Variants in FANCA observed in about 807,000 individuals in gnomAD.
FANCA encodes Fanconi anemia group A protein.
FANCA carries 236 observed loss-of-function variants against 194.3 expected under a neutral mutation model. The ratio of observed to expected loss-of-function variants is 1.21; its 90% CI spans 1.09 to 1.35. The LOEUF is 1.35. Ranked by LOEUF, FANCA falls within the 40% of genes most tolerant of loss-of-function variation. The pLI is 0.00. For missense variants in FANCA, 2,628 were observed against 1,813.9 expected (o/e 1.45, Z -8.15); for synonymous variants, 1,014 against 715.8 (o/e 1.42, Z -6.65).
intron 6 of FANCA, 70 bp from the exon 7 acceptor site, chr16:89,805,462 T>C (rs899449849): frequency 1.8e-5 from 23 of 1,282,774 alleles, no homozygotes; most frequent in Middle Eastern, 3.9e-4. Context: ...AGTTGAGCCA[T>C]ATGTCCCAAT....
chr16:89,742,912 G>A lies in FANCA; in HGVS notation c.3653C>T (p.Pro1218Leu), dbSNP rs771111655. The A allele has an allele frequency of 1.2e-6, 2 of 1,613,972 alleles. No individual in the cohort carries two copies. Among genetic ancestry groups the A allele is most frequent in the Middle Eastern group, 1.6e-4 (1 of 6,062 alleles). ...TGAGAGCCAGTCCGGGTTGGGTGCT[G>A]GGGAGGCAGCCTCAGGGGAGAGGAA... ...SDFLSPEAAS[P>L]APNPDWLSAA... Residue 1218 changes from proline to leucine, a missense_variant, in exon 37 of 43, where the codon CCA (proline) becomes CTA (leucine). Pro to Leu is a moderately conservative substitution (Grantham distance 98). Coordinates refer to ENST00000389301, the MANE Select transcript of FANCA (RefSeq NM_000135.4).
chr16:89,805,372 A>G lies in FANCA; in HGVS notation c.617T>C (p.Val206Ala), dbSNP rs756140322. 7 of 1,613,740 alleles carry G rather than the reference A, an allele frequency of 4.3e-6. No homozygotes were observed. In the African/African-American group the frequency reaches 5.3e-5, roughly 12 times the overall value. The change falls in exon 7 of 43, where the codon GTG (valine) becomes GCG (alanine). Residue 206 changes from valine (V) to alanine (A), a missense_variant. Coordinates refer to ENST00000389301, the MANE Select transcript of FANCA (RefSeq NM_000135.4). ...CAGATTCCTGAAGAGCCACGATCCCACAGCATGCATGTCGGGATGGCTGGA... is the reference window on the plus strand; with the variant it reads ...CAGATTCCTGAAGAGCCACGATCCCGCAGCATGCATGTCGGGATGGCTGGA... ...LLESHPDMHAVGSWLFRNLCC... is the reference protein window; with the variant it reads ...LLESHPDMHAAGSWLFRNLCC...
chr16:89,803,188 T>C (rs974553971), intron 8 of FANCA, 71 bp downstream of exon 8: 20 of 1,409,204 alleles, frequency 1.4e-5, no homozygotes, highest in Non-Finnish European at 1.9e-5. Flanking sequence ...GAGAGACACG[T>C]AAATACATTT....
chr16:89,750,668 G>A (rs572081938), intron 31 of FANCA, among the ~76,000 whole-genome samples: 1 of 152,068 alleles, frequency 6.6e-6, no homozygotes, highest in Non-Finnish European at 1.5e-5. Context: ...AGCTAATCAG[G>A]AGGCAGAGGC....
chr16:89,759,902 G>A (rs1200292227), intron 29 of FANCA, among the ~76,000 whole-genome samples: 1 of 152,154 alleles, frequency 6.6e-6, no homozygotes, highest in Non-Finnish European at 1.5e-5. Context: ...ACACTGTCCG[G>A]GACTGGGGTG....
intron 29 of FANCA, among the ~76,000 whole-genome samples, chr16:89,760,697 G>A (rs992454585): frequency 1.3e-5 from 2 of 152,092 alleles, no homozygotes; most frequent in African/African-American, 4.8e-5. Context: ...TGGGACTCAT[G>A]GGGGTTCACT....
intron 15 of FANCA, among the ~76,000 whole-genome samples, chr16:89,784,640 C>T (rs565396360): frequency 3.3e-5 from 5 of 152,206 alleles, no homozygotes; most frequent in South Asian, 2.1e-4. Context: ...CTGGCACACA[C>T]GCACTCACTG....
chr16:89,796,057 G>A (rs1326388063), intron 10 of FANCA, 39 bp from the exon 11 acceptor site: 2 of 1,520,512 alleles, frequency 1.3e-6, no homozygotes, highest in Non-Finnish European at 9.1e-7. Context: ...GAAAGGGAGG[G>A]TGCCTTGCAC....
At chr16:89,770,682 A>C in intron 23 of FANCA, 48 bp from the exon 24 acceptor site, 1 of 1,515,736 alleles carries the variant, frequency 6.6e-7, no homozygotes. Context: ...GGACGGGAGC[A>C]GCAGGAAGGA....
At chr16:89,764,789 G>T (rs775923857) in intron 28 of FANCA, 101 bp downstream of exon 28, 10 of 1,373,342 alleles carry the variant, frequency 7.3e-6, no homozygotes, top group Admixed American at 3.4e-5. Context: ...TGATGCAGGG[G>T]AAGGAACGGT....
chr16:89,741,788 T>A (rs1349821073), intron 37 of FANCA, among the ~76,000 whole-genome samples: 1 of 152,096 alleles, frequency 6.6e-6, no homozygotes, highest in African/African-American at 2.4e-5. Context: ...ACTGCAAGCT[T>A]ATCTGGGGCT....
intron 15 of FANCA, 35 bp from the exon 16 acceptor site, chr16:89,783,137 C>G: frequency 6.5e-7 from 1 of 1,529,894 alleles, no homozygotes; most frequent in Non-Finnish European, 9.0e-7. Context: ...CACCGTTAGT[C>G]TGGGAACTGC....
chr16:89,808,186 A>T (rs572533512), intron 6 of FANCA, 108 bp downstream of exon 6: 1 of 1,016,212 alleles, frequency 9.8e-7, no homozygotes, highest in Non-Finnish European at 1.6e-6. Context: ...AGTACAAATT[A>T]TATGTCAAAG....
chr16:89,759,645 C>G (rs887497229), intron 29 of FANCA, among the ~76,000 whole-genome samples: 2 of 152,072 alleles, frequency 1.3e-5, no homozygotes, highest in Non-Finnish European at 2.9e-5. Flanking sequence ...CCTGTGGTCC[C>G]AGCTACTCAG....
At chr16:89,781,723 G>C (rs2039713953) in intron 17 of FANCA, among the ~76,000 whole-genome samples, 1 of 148,792 alleles carries the variant, frequency 6.7e-6, no homozygotes, top group Middle Eastern at 3.8e-3. Context: ...CATTAGGCCG[G>C]CCATGGTGGC....
At chr16:89,778,705 G>C (rs1378005063) in intron 20 of FANCA, 96 bp downstream of exon 20, 4 of 1,057,614 alleles carry the variant, frequency 3.8e-6, no homozygotes, top group Non-Finnish European at 5.8e-6. Flanking sequence ...AAACACAATA[G>C]TGGTCTAACA....
At chr16:89,800,323 C>T (rs142707179) in intron 8 of FANCA, among the ~76,000 whole-genome samples, 1 of 152,222 alleles carries the variant, frequency 6.6e-6, no homozygotes, top group Non-Finnish European at 1.5e-5. Flanking sequence ...CCCTTCTTCA[C>T]ATCTCCTGGG....
intron 7 of FANCA, 87 bp from the exon 8 acceptor site, chr16:89,803,428 C>T (rs935412158): frequency 5.3e-5 from 66 of 1,250,328 alleles, no homozygotes; most frequent in South Asian, 1.2e-5. Flanking sequence ...TTCAGAGGGG[C>T]GGGTGAGCAT....
At chr16:89,785,853 G>GTTTTTT (rs370594051) in intron 14 of FANCA, among the ~76,000 whole-genome samples, 1,477 of 113,066 alleles carry the variant, frequency 0.013, 208 homozygotes, top group African/African-American at 0.031. Flanking sequence ...GCAAAATTGT[G>GTTTTTT]TTTTGTTTTT....
Sources: allele counts gnomAD v4.1 joint callset (sites outside exome capture counted in the v4.1 genomes callset), GRCh38; gene constraint gnomAD v4.1.1; transcripts MANE v1.5; gene names NCBI Gene and HGNC (gene_info 2026-07-23, HGNC 2026-07-21).